The following MUCL3 variants were observed in gnomAD, a reference collection of about 807,000 sequenced individuals.
MUCL3 encodes mucin like 3.
In MUCL3, 42 loss-of-function variants were observed where a neutral mutation model predicts 70.2. The observed-to-expected ratio is 0.60, with a 90% confidence interval of 0.47 to 0.77. MUCL3 has a LOEUF of 0.77. MUCL3 is among the 30% of genes least tolerant of loss of function. The pLI is 0.00. For missense variants in MUCL3, 1,429 were observed against 1,670.0 expected (o/e 0.86, Z 2.52); for synonymous variants, 522 against 647.0 (o/e 0.81, Z 2.93).
At chr6:30,942,913 G>A (rs561337046) in intron 1 of MUCL3, among the ~76,000 whole-genome samples, 22 of 152,324 alleles carry the variant, frequency 1.4e-4, no homozygotes, top group Non-Finnish European at 1.9e-4. Context: ...GGCATGGAGG[G>A]AGGGGTGGGG....
rs1222231928 is a variant in MUCL3 at position 30,949,295 on chromosome 6, G to T, written c.831G>T (p.Glu277Asp). 7 of 1,551,704 alleles carry T rather than the reference G, an allele frequency of 4.5e-6. No homozygotes were observed. The highest frequency in any genetic ancestry group is 1.2e-5 in the South Asian group (1 of 84,066). Reference sequence around the variant, plus strand: ...TACAAGAGACCATATCAGCCAATGAGCTCACACAATCTCTAGCAGAGCCTA... The same window carrying T: ...TACAAGAGACCATATCAGCCAATGATCTCACACAATCTCTAGCAGAGCCTA... ...KNIQETISAN[E>D]LTQSLAEPTE... Residue 277 changes from glutamate (E) to aspartate (D), a missense_variant, in exon 2 of 3, where the codon GAG becomes GAT. Glu to Asp is a conservative substitution (Grantham distance 45). Transcript: ENST00000462446.
Position 30,952,317 on chromosome 6 carries a change from A to ACC in MUCL3, c.3853_3854insCC (p.Ser1285ThrfsTer42). ...CCTCATTACATCTAGAACGAAGCTG[A>ACC]GTTCTATCACATCAGAAGCCACAGG... On this transcript the variant is annotated frameshift_variant, in exon 2 of 3. Transcript: ENST00000462446. LOFTEE classifies it high-confidence loss of function. 1 of 1,614,092 alleles carries ACC rather than the reference A, an allele frequency of 6.2e-7. No homozygotes were observed. Among genetic ancestry groups the ACC allele is most frequent in the Non-Finnish European group, 8.5e-7 (1 of 1,180,004 alleles).
At position 30,953,049 on chromosome 6, in the gene MUCL3, A is replaced by G. The variant is rs924259075; in HGVS notation, c.4114A>G (p.Asn1372Asp). ...YNDAEDEGGP[N>D]SYPVYLMEQQ... is the part of the protein sequence containing the mutation. ...TGATGCAGAGGATGAGGGTGGCCCCAATTCCTACCCGGTCTACCTGATGGA... is the reference window on the plus strand; with the variant it reads ...TGATGCAGAGGATGAGGGTGGCCCCGATTCCTACCCGGTCTACCTGATGGA... Residue 1372 changes from asparagine to aspartate, a missense_variant, in exon 3 of 3, where the codon AAT becomes GAT. Physicochemically the swap from Asn to Asp is conservative, Grantham distance 23. Transcript: ENST00000462446. 8 of 1,614,106 alleles carry G rather than the reference A, an allele frequency of 5.0e-6. No homozygotes were observed. Among genetic ancestry groups the G allele is most frequent in the Non-Finnish European group, 6.8e-6 (8 of 1,180,042 alleles).
At position 30,953,193 on chromosome 6, in the gene MUCL3, C is replaced by G. The variant is rs1760801784; in HGVS notation, c.*76C>G. On this transcript the variant is annotated 3_prime_UTR_variant, in exon 3 of 3. Transcript: ENST00000462446. ...GGATGAGGAACCGGACTCACAATTTCTATTTCCGGGACTACAGGAAGGGCA... is the reference window on the plus strand; with the variant it reads ...GGATGAGGAACCGGACTCACAATTTGTATTTCCGGGACTACAGGAAGGGCA... 1.6e-5 allele frequency: 25 copies of G among 1,563,750 alleles called. No individual in the cohort carries two copies. Among genetic ancestry groups the G allele is most frequent in the Non-Finnish European group, 2.2e-5 (25 of 1,159,532 alleles).
chr6:30,947,696 C>T (rs1425506802), intron 1 of MUCL3, among the ~76,000 whole-genome samples: 1 of 150,754 alleles, frequency 6.6e-6, no homozygotes, highest in African/African-American at 2.4e-5. Flanking sequence ...CTGTCAGGAC[C>T]CCCAAGCAGA....
rs1478628947 is a variant in MUCL3, at chr6:30,951,325, C to A, written c.2861C>A (p.Ala954Asp). 6.5e-7 allele frequency: 1 copy of A among 1,546,594 alleles called. No individual in the cohort carries two copies. Among genetic ancestry groups the A allele is most frequent in the Admixed American group, 2.0e-5 (1 of 50,664 alleles). The change falls in exon 2 of 3, where the codon GCC becomes GAC. Residue 954 changes from alanine to aspartate, a missense_variant. Ala to Asp is a moderately radical substitution (Grantham distance 126). Transcript: ENST00000462446. Reference sequence around the variant, plus strand: ...GGAGAAAGGATAGCCAATGAGAAGGCCACACCATCCCCAGCAAAGCCTACA... The same window carrying A: ...GGAGAAAGGATAGCCAATGAGAAGGACACACCATCCCCAGCAAAGCCTACA... ...EHGERIANEK[A>D]TPSPAKPTEH...
rs1238561908 is a variant in MUCL3, at chr6:30,951,070, A to G, written c.2606A>G (p.Asn869Ser). 3 of 1,551,826 alleles carry G rather than the reference A, an allele frequency of 1.9e-6. No homozygotes were observed. Among genetic ancestry groups the G allele is most frequent in the Admixed American group, 3.9e-5 (2 of 50,984 alleles). The part of the protein sequence containing the change: ...EPTENREWTA[N>S]ENTTLSPAEP... ...ACAGAAAATAGAGAATGGACAGCCA[A>G]TGAGAACACCACACTATCCCCAGCA... Residue 869 changes from asparagine (N) to serine (S), a missense_variant, in exon 2 of 3, where the codon AAT becomes AGT. By Grantham distance (46) the Asn-to-Ser change is conservative (BLOSUM62 1). Transcript: ENST00000462446.
intron 1 of MUCL3, chr6:30,946,358 A>C (rs1795780840): frequency 6.6e-6 from 1 of 152,220 alleles, no homozygotes; most frequent in Non-Finnish European, 1.5e-5. Flanking sequence ...CACTTAAGAG[A>C]CCTGAGCAAG....
At chr6:30,952,562 G>T (rs2150625821) in intron 2 of MUCL3, 63 bp downstream of exon 2, 1 of 1,499,846 alleles carries the variant, frequency 6.7e-7, no homozygotes, top group East Asian at 2.3e-5. Flanking sequence ...GATACATTAG[G>T]GGTCAGAGTT....
Position 30,951,804 on chromosome 6 carries a change from C to A in MUCL3, c.3340C>A (p.Pro1114Thr). ...AGAACATGGAGAAAGGACCACATCA[C>A]CCAATGACAAGATCACCTCATCTGC... ...PTEHGERTTS[P>T]NDKITSSAAE... The change falls in exon 2 of 3, where the codon CCC (proline) becomes ACC (threonine). Residue 1114 changes from proline to threonine, a missense_variant. Transcript: ENST00000462446. 2 of 1,567,180 alleles carry A rather than the reference C, an allele frequency of 1.3e-6. No individual in the cohort carries two copies. The highest frequency in any genetic ancestry group is 1.7e-6 in the Non-Finnish European group (2 of 1,157,006).
At chr6:30,946,141 G>C (rs1417750767) in intron 1 of MUCL3, 1 of 152,312 alleles carries the variant, frequency 6.6e-6, no homozygotes, top group Non-Finnish European at 1.5e-5. Flanking sequence ...AGGGGGGTAG[G>C]GCTACTGCTC....
In MUCL3 at chr6:30,949,313, A is replaced by G; in HGVS notation, c.849A>G (p.Ala283=). 1 of 1,551,818 alleles carries G rather than the reference A, an allele frequency of 6.4e-7. No individual in the cohort carries two copies. The highest frequency in any genetic ancestry group is 1.7e-4 in the Middle Eastern group (1 of 5,992). The change falls in exon 2 of 3, where the codon GCA becomes GCG. Residue 283 remains alanine (A), a synonymous_variant. Coordinates refer to ENST00000462446, the MANE Select transcript of MUCL3 (RefSeq NM_080870.4). ...ISANELTQSL[A]EPTEHGGRTA... ...CCAATGAGCTCACACAATCTCTAGCAGAGCCTACAGAACATGGAGGAAGGA... is the reference window on the plus strand; with the variant it reads ...CCAATGAGCTCACACAATCTCTAGCGGAGCCTACAGAACATGGAGGAAGGA...
At position 30,949,339 on chromosome 6, in the gene MUCL3, C is replaced by T. The variant is rs1161452074; in HGVS notation, c.875C>T (p.Thr292Ile). The change falls in exon 2 of 3, where the codon ACA becomes ATA. Residue 292 changes from threonine (T) to isoleucine (I), a missense_variant. Transcript: ENST00000462446. ...GAGCCTACAGAACATGGAGGAAGGA[C>T]AGCCAATGAGAACAACACACCATCC... ...LAEPTEHGGR[T>I]ANENNTPSPA... 1.3e-6 allele frequency: 2 copies of T among 1,551,768 alleles called. No homozygotes were observed. Among genetic ancestry groups the T allele is most frequent in the Non-Finnish European group, 1.7e-6 (2 of 1,147,012 alleles).
rs185162216 is a variant in MUCL3 at position 30,946,914 on chromosome 6, A to G, written c.83-1633A>G. The stretch of plus-strand genomic sequence containing the variant: ...CTCAACAGGTTCTTGTGAAAAGTAA[A>G]TAAGTTAATGTATGCCCTCACTTGT... On this transcript the variant is annotated intron_variant, in intron 1 of 2. Coordinates refer to ENST00000462446, the MANE Select transcript of MUCL3 (RefSeq NM_080870.4). 1.4e-4 allele frequency among the ~76,000 whole-genome samples: 21 copies of G among 152,330 alleles called. No homozygotes were observed. The South Asian group carries it at 3.3e-3, about 24-fold the overall frequency.
At position 30,949,162 on chromosome 6, in the gene MUCL3, C is replaced by CA. The variant is rs1214089865; in HGVS notation, c.703dup (p.Thr235AsnfsTer16). The stretch of plus-strand genomic sequence containing the variant: ...TTTCCAGAAAAAATCACAGCAGCCT[C>CA]AAAAACAACATACAAGACCACAGGA... On this transcript the variant is annotated frameshift_variant, in exon 2 of 3. Transcript: ENST00000462446. LOFTEE classifies it high-confidence loss of function. 1.9e-6 allele frequency: 3 copies of CA among 1,551,466 alleles called. No individual in the cohort carries two copies. The highest frequency in any genetic ancestry group is 2.6e-6 in the Non-Finnish European group (3 of 1,146,954).
chr6:30,953,052 T>C lies in MUCL3; in HGVS notation c.4117T>C (p.Ser1373Pro), dbSNP rs1174522218. 1.2e-6 allele frequency: 2 copies of C among 1,614,112 alleles called. No individual in the cohort carries two copies. Among genetic ancestry groups the C allele is most frequent in the Non-Finnish European group, 1.7e-6 (2 of 1,180,040 alleles). Residue 1373 changes from serine to proline, a missense_variant, in exon 3 of 3, where the codon TCC (serine) becomes CCC (proline). Physicochemically the swap from Ser to Pro is moderately conservative, Grantham distance 74. Transcript: ENST00000462446. ...TGCAGAGGATGAGGGTGGCCCCAAT[T>C]CCTACCCGGTCTACCTGATGGAGCA... ...NDAEDEGGPN[S>P]YPVYLMEQQN...
Position 30,951,453 on chromosome 6 carries a change from T to A in MUCL3, c.2989T>A (p.Ser997Thr), listed in dbSNP as rs1353335130. 1.9e-6 allele frequency: 3 copies of A among 1,543,854 alleles called. No individual in the cohort carries two copies. The highest frequency in any genetic ancestry group is 2.9e-5 in the African/African-American group (2 of 69,422). The change falls in exon 2 of 3, where the codon TCC becomes ACC. Residue 997 changes from serine (S) to threonine (T), a missense_variant. Coordinates refer to ENST00000462446, the MANE Select transcript of MUCL3 (RefSeq NM_080870.4). Reference sequence around the variant, plus strand: ...ACTGGCCAATGAGAACACCACAACATCCCCAACAGAGTCTACAGAACATGG... The same window carrying A: ...ACTGGCCAATGAGAACACCACAACAACCCCAACAGAGTCTACAGAACATGG... ...TPLANENTTTSPTESTEHGER... is the reference protein window; with the variant it reads ...TPLANENTTTTPTESTEHGER...
At chr6:30,942,176 C>G (rs1795606366) in intron 1 of MUCL3, among the ~76,000 whole-genome samples, 1 of 152,216 alleles carries the variant, frequency 6.6e-6, no homozygotes, top group Admixed American at 6.5e-5. Flanking sequence ...CCCTGTCTTA[C>G]AGTTGGGAAA....
chr6:30,948,487 G>A (rs2150613021), intron 1 of MUCL3, 60 bp from the exon 2 acceptor site: 1 of 1,311,652 alleles, frequency 7.6e-7, no homozygotes, highest in South Asian at 1.6e-5. Flanking sequence ...AAGGAGGTGG[G>A]AAGGGGGAGT....
Sources: gnomAD v4.1 joint callset for allele counts (sites outside exome capture counted in the v4.1 genomes callset) on GRCh38, gnomAD v4.1.1 for gene constraint, MANE v1.5 for transcripts, NCBI Gene and HGNC (gene_info 2026-07-23, HGNC 2026-07-21) for gene names.